Variants in PARD3B observed in about 807,000 individuals in gnomAD.
PARD3B encodes the protein par-3 family cell polarity regulator beta.
A neutral mutation model predicts 130.2 loss-of-function variants in PARD3B; 103 were observed. The observed-to-expected ratio is 0.79, with a 90% confidence interval of 0.67 to 0.93. The LOEUF (loss-of-function observed/expected upper bound fraction) is 0.93. PARD3B is among the 40% of genes least tolerant of loss of function. The pLI is 0.00. For synonymous variants in PARD3B, 583 were observed against 553.2 expected, an observed-to-expected ratio of 1.05 and a Z score of -0.76; for missense variants, 1,609 against 1,499.2, an observed-to-expected ratio of 1.07 and a Z score of -1.21.
rs573789933 is a variant in PARD3B, at chr2:204,710,050, G to A, written c.222+23768G>A. Among the ~76,000 whole-genome samples, 115 of 152,236 alleles carry A rather than the reference G, an allele frequency of 7.6e-4. No individual in the cohort carries two copies. In the Middle Eastern group the frequency reaches 0.014, roughly 18 times the overall value. ...AAAATTTTATTAGTTTCATTGACTC[G>A]TAGAGTTACCTGTCTATTTAATACT... is the stretch of plus-strand genomic sequence containing the variant. On this transcript the variant is annotated intron_variant, in intron 2 of 22. Transcript: ENST00000406610.
intron 10 of PARD3B, among the ~76,000 whole-genome samples, chr2:205,150,482 G>A (rs1479674827): frequency 1.3e-5 from 2 of 152,116 alleles, no homozygotes; most frequent in Admixed American, 1.3e-4. Context: ...GATTCTTGGA[G>A]GGAGGCATTC....
chr2:205,110,640 TG>T (rs139584856), intron 5 of PARD3B, among the ~76,000 whole-genome samples: 48,577 of 141,516 alleles, frequency 0.34, 9,493 homozygotes, highest in Admixed American at 0.51. Flanking sequence ...TTTTGTTTTT[TG>T]TTTTTTTTGT....
At position 205,145,115 on chromosome 2, in the gene PARD3B, A is replaced by G. The variant is rs921606860; in HGVS notation, c.1435-13607A>G. Among the ~76,000 whole-genome samples the G allele has an allele frequency of 2.0e-5, 3 of 152,308 alleles. No homozygotes were observed. In the South Asian group the frequency reaches 6.2e-4, roughly 32 times the overall value. ...AAATCCTTGAGTTGGGAAGAAAGCT[A>G]TATTATCTTTATTAAGAGAGTTATT... On this transcript the variant is annotated intron_variant, in intron 10 of 22. Coordinates refer to ENST00000406610, the MANE Select transcript of PARD3B (RefSeq NM_001302769.2).
intron 2 of PARD3B, among the ~76,000 whole-genome samples, chr2:204,893,208 A>C (rs1033114450): frequency 6.6e-6 from 1 of 152,202 alleles, no homozygotes; most frequent in Non-Finnish European, 1.5e-5. Flanking sequence ...CTGTAAGATG[A>C]GTAAGATGAG....
chr2:205,012,408 G>A (rs1324580031), intron 3 of PARD3B, among the ~76,000 whole-genome samples: 2 of 152,108 alleles, frequency 1.3e-5, no homozygotes, highest in Non-Finnish European at 2.9e-5. Flanking sequence ...ACTTTTAGAG[G>A]AAAAATTCAA....
chr2:204,719,702 T>C (rs1347785269), intron 2 of PARD3B, among the ~76,000 whole-genome samples: 1 of 152,232 alleles, frequency 6.6e-6, no homozygotes, highest in East Asian at 1.9e-4. Context: ...GAAGTATTAT[T>C]ACTGATTTAA....
intron 2 of PARD3B, among the ~76,000 whole-genome samples, chr2:204,758,774 G>A (rs6712095): frequency 2.0e-5 from 3 of 152,094 alleles, no homozygotes; most frequent in Non-Finnish European, 4.4e-5. Flanking sequence ...AGGATCAAGC[G>A]TGGCATTCTT....
At chr2:205,437,899 A>T (rs1466965380) in intron 19 of PARD3B, among the ~76,000 whole-genome samples, 1 of 152,116 alleles carries the variant, frequency 6.6e-6, no homozygotes, top group Non-Finnish European at 1.5e-5. Context: ...GAAACCTCTA[A>T]GTGGAAATGA....
chr2:205,350,353 T>A (rs1176624818), intron 18 of PARD3B, among the ~76,000 whole-genome samples: 4 of 152,236 alleles, frequency 2.6e-5, no homozygotes, highest in Non-Finnish European at 4.4e-5. Flanking sequence ...TGGGAGAATG[T>A]CTTTGATTAG....
chr2:205,491,110 A>G (rs1175032721), intron 20 of PARD3B, among the ~76,000 whole-genome samples: 4 of 152,100 alleles, frequency 2.6e-5, no homozygotes, highest in Admixed American at 6.6e-5. Flanking sequence ...CTTTAGTTTA[A>G]TTAGATCCCA....
chr2:205,001,176 A>G (rs1178065658), intron 3 of PARD3B, among the ~76,000 whole-genome samples: 2 of 151,998 alleles, frequency 1.3e-5, no homozygotes, highest in Non-Finnish European at 2.9e-5. Context: ...TTTAGTAGAG[A>G]TGGGGTTTCA....
intron 1 of PARD3B, among the ~76,000 whole-genome samples, chr2:204,587,116 A>G (rs2032859578): frequency 6.6e-6 from 1 of 152,118 alleles, no homozygotes; most frequent in Non-Finnish European, 1.5e-5. Flanking sequence ...GTGTGTATGC[A>G]TGTATTTTTT....
At chr2:204,867,648 T>C (rs1443792867) in intron 2 of PARD3B, among the ~76,000 whole-genome samples, 4 of 152,190 alleles carry the variant, frequency 2.6e-5, no homozygotes, top group East Asian at 1.9e-4. Context: ...CTATTGACTT[T>C]TTAATTTTGA....
At chr2:204,908,447 G>C (rs1192091144) in intron 2 of PARD3B, among the ~76,000 whole-genome samples, 4 of 152,130 alleles carry the variant, frequency 2.6e-5, no homozygotes, top group African/African-American at 9.7e-5. Flanking sequence ...TGAAATGTTA[G>C]CAATATCTTT....
intron 20 of PARD3B, among the ~76,000 whole-genome samples, chr2:205,486,300 C>A (rs779122101): frequency 5.3e-5 from 8 of 152,152 alleles, no homozygotes; most frequent in African/African-American, 1.9e-4. Context: ...ATTCTGTACA[C>A]CCCTAATGTT....
intron 2 of PARD3B, among the ~76,000 whole-genome samples, chr2:204,964,573 A>G (rs1325868387): frequency 6.6e-6 from 1 of 152,202 alleles, no homozygotes; most frequent in African/African-American, 2.4e-5. Flanking sequence ...AAAGAACAAA[A>G]TTAAAGGCAT....
chr2:204,916,781 A>G (rs1386387739), intron 2 of PARD3B, among the ~76,000 whole-genome samples: 1 of 152,216 alleles, frequency 6.6e-6, no homozygotes, highest in Non-Finnish European at 1.5e-5. Flanking sequence ...CCATTTACAT[A>G]AATAATCCTT....
chr2:205,379,343 G>A (rs923091077), intron 18 of PARD3B, among the ~76,000 whole-genome samples: 1 of 152,010 alleles, frequency 6.6e-6, no homozygotes, highest in African/African-American at 2.4e-5. Flanking sequence ...TCATGGGATT[G>A]GCCTCCAGTG....
chr2:205,039,999 T>C (rs1424760732), intron 3 of PARD3B, among the ~76,000 whole-genome samples: 1 of 152,188 alleles, frequency 6.6e-6, no homozygotes, highest in Non-Finnish European at 1.5e-5. Flanking sequence ...AGTCTCGCTC[T>C]GTTACCGAGG....
Sources: gnomAD v4.1 joint callset for allele counts (sites outside exome capture counted in the v4.1 genomes callset) on GRCh38, gnomAD v4.1.1 for gene constraint, MANE v1.5 for transcripts, NCBI Gene and HGNC (gene_info 2026-07-23, HGNC 2026-07-21) for gene names.